LDB2: variants seen among roughly 807,000 people sequenced by gnomAD.
The protein encoded by LDB2 is LIM domain binding 2.
In LDB2, 12 loss-of-function variants were observed where a neutral mutation model predicts 44.3. That is an observed-to-expected ratio of 0.27 (90% CI 0.17 to 0.44). LDB2 has a LOEUF of 0.44. Among genes scored for constraint, LDB2 ranks in the 20% least tolerant of loss-of-function variants. The pLI is 1.00. For missense variants in LDB2, 344 were observed against 473.5 expected (o/e 0.73, Z 2.54); for synonymous variants, 164 against 174.8 (o/e 0.94, Z 0.49).
intron 2 of LDB2, among the ~76,000 whole-genome samples, chr4:16,709,051 C>A (rs1047950334): frequency 2.6e-5 from 4 of 151,690 alleles, no homozygotes; most frequent in Non-Finnish European, 4.4e-5. Flanking sequence ...ATCTGCTCAG[C>A]ATCAGGCTTG....
chr4:16,572,748 A>G, intron 5 of LDB2, among the ~76,000 whole-genome samples: 1 of 152,108 alleles, frequency 6.6e-6, no homozygotes, highest in South Asian at 2.1e-4. Flanking sequence ...CATATGTACT[A>G]CTTTTCTATC....
intron 2 of LDB2, among the ~76,000 whole-genome samples, chr4:16,672,675 T>C (rs1000713985): frequency 4.7e-4 from 71 of 152,136 alleles, no homozygotes; most frequent in Non-Finnish European, 1.5e-4. Context: ...CCAACATCAA[T>C]GGAAACAGGG....
intron 1 of LDB2, among the ~76,000 whole-genome samples, chr4:16,766,868 C>T (rs757809590): frequency 1.2e-4 from 19 of 152,038 alleles, no homozygotes; most frequent in Admixed American, 2.0e-4. Flanking sequence ...AATAGATATG[C>T]GGTAATACAT....
chr4:16,552,170 C>T (rs1737910375), intron 5 of LDB2, among the ~76,000 whole-genome samples: 1 of 152,116 alleles, frequency 6.6e-6, no homozygotes, highest in South Asian at 2.1e-4. Flanking sequence ...GGAAGAAGAA[C>T]ATTTTACTGT....
chr4:16,697,414 A>T (rs1292672200), intron 2 of LDB2, among the ~76,000 whole-genome samples: 1 of 151,570 alleles, frequency 6.6e-6, no homozygotes, highest in Non-Finnish European at 1.5e-5. Context: ...GTGAGCTGAG[A>T]TCGCACCACT....
intron 5 of LDB2, among the ~76,000 whole-genome samples, chr4:16,564,755 C>A (rs547282749): frequency 6.6e-6 from 1 of 152,266 alleles, no homozygotes; most frequent in African/African-American, 2.4e-5. Flanking sequence ...CACAAAAAAG[C>A]CCCAGGCCCA....
chr4:16,584,992 G>A (rs1716228283), intron 5 of LDB2, among the ~76,000 whole-genome samples: 1 of 152,180 alleles, frequency 6.6e-6, no homozygotes, highest in East Asian at 1.9e-4. Flanking sequence ...TTCTTTATCT[G>A]CAGGAGGAAG....
At chr4:16,818,636 G>C (rs905459257) in intron 1 of LDB2, among the ~76,000 whole-genome samples, 1 of 152,162 alleles carries the variant, frequency 6.6e-6, no homozygotes, top group African/African-American at 2.4e-5. Flanking sequence ...GCTATGGTGA[G>C]GCTTGTTACG....
intron 1 of LDB2, among the ~76,000 whole-genome samples, chr4:16,824,666 A>G (rs1265507461): frequency 6.6e-6 from 1 of 152,202 alleles, no homozygotes; most frequent in Non-Finnish European, 1.5e-5. Context: ...CATAACTGTT[A>G]AACTCCCTGG....
At chr4:16,602,423 A>G (rs757654240) in intron 2 of LDB2, among the ~76,000 whole-genome samples, 3 of 152,214 alleles carry the variant, frequency 2.0e-5, no homozygotes, top group Non-Finnish European at 2.9e-5. Context: ...GTGCTACGGT[A>G]TCAGAAAGAA....
intron 2 of LDB2, among the ~76,000 whole-genome samples, chr4:16,665,142 G>A (rs2152545943): frequency 6.6e-6 from 1 of 152,218 alleles, no homozygotes; most frequent in East Asian, 1.9e-4. Flanking sequence ...AAAGAACAGT[G>A]CTTTCCTTCC....
chr4:16,884,866 A>C (rs1476348519), intron 1 of LDB2, among the ~76,000 whole-genome samples: 2 of 152,158 alleles, frequency 1.3e-5, no homozygotes, highest in Admixed American at 6.5e-5. Flanking sequence ...TATTCCCTAC[A>C]TTACCCATAG....
At chr4:16,864,906 AAG>A (rs1258685971) in intron 1 of LDB2, among the ~76,000 whole-genome samples, 2 of 148,608 alleles carry the variant, frequency 1.3e-5, no homozygotes, top group Admixed American at 1.3e-4. Context: ...GCCTGGGCAA[AAG>A]AGAGAAAAAT....
chr4:16,638,927 A>G (rs572813786), intron 2 of LDB2, among the ~76,000 whole-genome samples: 1 of 152,312 alleles, frequency 6.6e-6, no homozygotes, highest in East Asian at 1.9e-4. Flanking sequence ...TCCTTTTTTA[A>G]TGCTCTGTTA....
chr4:16,617,967 G>A (rs541170899), intron 2 of LDB2, among the ~76,000 whole-genome samples: 11 of 152,064 alleles, frequency 7.2e-5, no homozygotes, highest in Non-Finnish European at 1.5e-4. Context: ...CTTTCTGACT[G>A]CTCTTCTGTC....
chr4:16,687,077 T>C (rs964470155), intron 2 of LDB2, among the ~76,000 whole-genome samples: 2 of 151,976 alleles, frequency 1.3e-5, no homozygotes, highest in African/African-American at 2.4e-5. Flanking sequence ...AAATACTGTA[T>C]ATACATTTAG....
chr4:16,571,606 C>T (rs1746560490), intron 5 of LDB2, among the ~76,000 whole-genome samples: 1 of 152,186 alleles, frequency 6.6e-6, no homozygotes, highest in Non-Finnish European at 1.5e-5. Context: ...TTACCTTCTG[C>T]ATGAAGTTAG....
intron 1 of LDB2, among the ~76,000 whole-genome samples, chr4:16,865,965 T>A (rs111320000): frequency 2.0e-5 from 3 of 152,164 alleles, no homozygotes; most frequent in Non-Finnish European, 4.4e-5. Context: ...CTGGAGAAAC[T>A]TCCTCTCTAA....
At chr4:16,782,151 T>C (rs561740895) in intron 1 of LDB2, among the ~76,000 whole-genome samples, 1 of 152,272 alleles carries the variant, frequency 6.6e-6, no homozygotes, top group South Asian at 2.1e-4. Context: ...ATCATTACCA[T>C]GTCAAGCGCT....
Sources: allele counts gnomAD v4.1 joint callset (sites outside exome capture counted in the v4.1 genomes callset), GRCh38; gene constraint gnomAD v4.1.1; transcripts MANE v1.5; gene names NCBI Gene and HGNC (gene_info 2026-07-23, HGNC 2026-07-21).